Variants in KCNIP4 observed in about 807,000 individuals in gnomAD.
The protein encoded by KCNIP4 is Kv channel-interacting protein 4.
A neutral mutation model predicts 34.0 loss-of-function variants in KCNIP4; 12 were observed. That is an observed-to-expected ratio of 0.35 (90% confidence interval 0.23 to 0.57). The LOEUF is 0.57. KCNIP4 is among the 20% of genes least tolerant of loss of function. The pLI is 0.83. For synonymous variants in KCNIP4, 124 were observed against 102.2 expected, an observed-to-expected ratio of 1.21 and a Z score of -1.29; for missense variants, 238 against 311.7, an observed-to-expected ratio of 0.76 and a Z score of 1.78.
intron 1 of KCNIP4, among the ~76,000 whole-genome samples, chr4:21,435,911 T>A (rs1726905084): frequency 6.6e-6 from 1 of 152,298 alleles, no homozygotes; most frequent in African/African-American, 2.4e-5. Context: ...ATGTGGTTTC[T>A]GCAAATGAGC....
At chr4:20,826,577 A>G in intron 3 of KCNIP4, among the ~76,000 whole-genome samples, 1 of 151,322 alleles carries the variant, frequency 6.6e-6, no homozygotes, top group Non-Finnish European at 1.5e-5. Flanking sequence ...CAACAGAGTG[A>G]GACCTTGTCT....
intron 1 of KCNIP4, among the ~76,000 whole-genome samples, chr4:21,786,222 C>T (rs1028790923): frequency 3.9e-5 from 6 of 152,188 alleles, no homozygotes; most frequent in African/African-American, 7.2e-5. Flanking sequence ...GCTGGGATTA[C>T]AGGCCTGAGC....
At chr4:20,921,390 A>C (rs1308715949) in intron 1 of KCNIP4, among the ~76,000 whole-genome samples, 1 of 152,226 alleles carries the variant, frequency 6.6e-6, no homozygotes, top group Non-Finnish European at 1.5e-5. Flanking sequence ...AAAATTTCAC[A>C]GTACTTTCAG....
At position 21,493,427 on chromosome 4, in the gene KCNIP4, A is replaced by G. The variant is rs1038401658; in HGVS notation, c.61+455144T>C. Among the ~76,000 whole-genome samples, 25 of 150,916 alleles carry G rather than the reference A, an allele frequency of 1.7e-4. 1 individual carries two copies. Among genetic ancestry groups the G allele is most frequent in the African/African-American group, 5.8e-4 (24 of 41,386 alleles). On this transcript the variant is annotated intron_variant, in intron 1 of 8. Transcript: ENST00000382152. ...CCTCTCTATCCTGCTCCCCATCACA[A>G]GAAGCTCTAGACAGACATCCATCTT...
At chr4:21,276,683 T>TCC (rs1762462303) in intron 1 of KCNIP4, among the ~76,000 whole-genome samples, 1 of 152,178 alleles carries the variant, frequency 6.6e-6, no homozygotes. Flanking sequence ...CTTCTTTTTT[T>TCC]CTAATAGAAA....
chr4:20,905,883 G>A (rs187256586), intron 1 of KCNIP4, among the ~76,000 whole-genome samples: 13 of 151,980 alleles, frequency 8.6e-5, no homozygotes, highest in Admixed American at 2.6e-4. Flanking sequence ...AATTAAATTC[G>A]CATTTTGTTC....
At chr4:21,184,512 G>A (rs1005134887) in intron 1 of KCNIP4, among the ~76,000 whole-genome samples, 2 of 152,094 alleles carry the variant, frequency 1.3e-5, no homozygotes, top group Non-Finnish European at 2.9e-5. Context: ...AAAGAAATTC[G>A]CTATTACGTA....
intron 1 of KCNIP4, among the ~76,000 whole-genome samples, chr4:21,029,812 C>A (rs1430831166): frequency 1.3e-5 from 2 of 152,192 alleles, no homozygotes; most frequent in Middle Eastern, 6.3e-3. Context: ...CCTTTAACTG[C>A]ATAGAGGCCT....
At chr4:21,735,544 C>G (rs1051141966) in intron 1 of KCNIP4, among the ~76,000 whole-genome samples, 1 of 152,058 alleles carries the variant, frequency 6.6e-6, no homozygotes, top group Admixed American at 6.6e-5. Context: ...ACATTGGCAG[C>G]CTAAAATTTG....
At chr4:20,909,797 A>C (rs1028050586) in intron 1 of KCNIP4, among the ~76,000 whole-genome samples, 1 of 152,140 alleles carries the variant, frequency 6.6e-6, no homozygotes, top group Admixed American at 6.5e-5. Context: ...GTGAAGGCTT[A>C]TGCTTTTGTG....
intron 1 of KCNIP4, among the ~76,000 whole-genome samples, chr4:21,045,957 C>A (rs1047382871): frequency 1.3e-5 from 2 of 152,016 alleles, no homozygotes; most frequent in African/African-American, 4.8e-5. Flanking sequence ...GGATTTTTTG[C>A]AACTGTGAAA....
intron 1 of KCNIP4, among the ~76,000 whole-genome samples, chr4:21,303,210 A>G (rs1578048691): frequency 6.6e-6 from 1 of 152,212 alleles, no homozygotes; most frequent in East Asian, 1.9e-4. Flanking sequence ...TTGAAAAACA[A>G]TTGGCTACCT....
intron 1 of KCNIP4, among the ~76,000 whole-genome samples, chr4:21,473,799 T>C (rs535033005): frequency 1.5e-4 from 23 of 151,832 alleles, no homozygotes; most frequent in Middle Eastern, 3.4e-3. Context: ...CTGGAACTTA[T>C]GACTCCTGGG....
intron 1 of KCNIP4, among the ~76,000 whole-genome samples, chr4:20,984,843 T>C (rs1736427857): frequency 6.6e-6 from 1 of 152,160 alleles, no homozygotes; most frequent in African/African-American, 2.4e-5. Flanking sequence ...CAAACTTCCC[T>C]GATGATAAAA....
At chr4:21,140,123 C>A (rs1244538576) in intron 1 of KCNIP4, among the ~76,000 whole-genome samples, 3 of 151,840 alleles carry the variant, frequency 2.0e-5, no homozygotes, top group Non-Finnish European at 4.4e-5. Context: ...CATGATCTTT[C>A]AAAAAAATAG....
chr4:20,985,656 G>A (rs970047566), intron 1 of KCNIP4, among the ~76,000 whole-genome samples: 2 of 152,082 alleles, frequency 1.3e-5, no homozygotes, highest in African/African-American at 4.8e-5. Flanking sequence ...TGTCTTTTGG[G>A]GGCTTATAGT....
chr4:20,949,366 G>C (rs1008306834), intron 1 of KCNIP4, among the ~76,000 whole-genome samples: 1 of 152,216 alleles, frequency 6.6e-6, no homozygotes, highest in Non-Finnish European at 1.5e-5. Context: ...TATCCCTTCA[G>C]ACTTTCTGCC....
chr4:20,834,741 C>A (rs970207779), intron 3 of KCNIP4, among the ~76,000 whole-genome samples: 1 of 152,130 alleles, frequency 6.6e-6, no homozygotes. Flanking sequence ...CACCCAAAGG[C>A]AAGGTTCTTG....
At chr4:21,062,967 C>G (rs942676989) in intron 1 of KCNIP4, among the ~76,000 whole-genome samples, 3 of 152,094 alleles carry the variant, frequency 2.0e-5, no homozygotes, top group African/African-American at 7.2e-5. Context: ...AATGTTTGAT[C>G]AAATATCTGG....
Sources: allele counts gnomAD v4.1 joint callset (sites outside exome capture counted in the v4.1 genomes callset), GRCh38; gene constraint gnomAD v4.1.1; transcripts MANE v1.5; gene names NCBI Gene and HGNC (gene_info 2026-07-23, HGNC 2026-07-21).